Variants in INSL6 observed in about 807,000 individuals in gnomAD.
INSL6 encodes insulin like 6.
Under a neutral mutation model 9.4 loss-of-function variants are expected in INSL6, and 16 were observed. The observed-to-expected ratio is 1.70, with a 90% CI of 1.15 to 2.59. INSL6 has a LOEUF of 2.59. INSL6 is among the 30% of genes most tolerant of loss of function. The pLI is 0.00. For missense variants in INSL6, 391 were observed against 257.3 expected (o/e 1.52, Z -3.56); for synonymous variants, 154 against 96.9 (o/e 1.59, Z -3.46).
the INSL6 span, among the ~76,000 whole-genome samples, chr9:5,032,527 G>A: frequency 4.3e-3 from 654 of 152,266 alleles, 1 homozygote; most frequent in Non-Finnish European, 6.8e-3. Flanking sequence ...TCACATGGCC[G>A]GGTACTCCTC....
At chr9:5,106,481 A>G in the INSL6 span, among the ~76,000 whole-genome samples, 1 of 152,250 alleles carries the variant, frequency 6.6e-6, no homozygotes, top group Non-Finnish European at 1.5e-5. Flanking sequence ...CCACTGCAGA[A>G]GACAGTGTGG....
chr9:5,055,073 T>G, the INSL6 span, among the ~76,000 whole-genome samples: 2 of 152,164 alleles, frequency 1.3e-5, no homozygotes, highest in East Asian at 3.9e-4. Flanking sequence ...GTTTTTTCAT[T>G]TAATTTTTTA....
At chr9:5,065,672 T>A in the INSL6 span, among the ~76,000 whole-genome samples, 1 of 152,190 alleles carries the variant, frequency 6.6e-6, no homozygotes, top group Non-Finnish European at 1.5e-5. Context: ...CAGTTGTAGA[T>A]CCTTACTTTA....
At chr9:5,054,820 C>T in the INSL6 span, 1 of 1,612,448 alleles carries the variant, frequency 6.2e-7, no homozygotes, top group Non-Finnish European at 8.5e-7. This position sits in a 1 kb window ranked among gnomAD's most constrained non-coding sequence, Gnocchi z 4.9. Context: ...ATTATAATAA[C>T]TGGAAACGGT....
the INSL6 span, among the ~76,000 whole-genome samples, chr9:5,010,699 CTTCA>C: frequency 6.6e-6 from 1 of 152,162 alleles, no homozygotes; most frequent in African/African-American, 2.4e-5. Context: ...TTTTTGAGCT[CTTCA>C]TTCCTTTCTG....
At chr9:5,072,416 C>A in the INSL6 span, 3 of 1,107,380 alleles carry the variant, frequency 2.7e-6, no homozygotes, top group Non-Finnish European at 3.7e-6. Context: ...AATTCTTCCT[C>A]ATTGAATGTA....
the INSL6 span, among the ~76,000 whole-genome samples, chr9:5,068,366 G>T: frequency 1.3e-5 from 2 of 152,136 alleles, no homozygotes; most frequent in East Asian, 3.8e-4. Context: ...TATTAAAAAT[G>T]TAATATTAAA....
At chr9:5,081,187 T>G in the INSL6 span, among the ~76,000 whole-genome samples, 2 of 151,804 alleles carry the variant, frequency 1.3e-5, no homozygotes, top group African/African-American at 2.4e-5. Context: ...GAGCCACCGC[T>G]CCCAGCCAAA....
the INSL6 span, among the ~76,000 whole-genome samples, chr9:4,995,298 C>T: frequency 3.3e-5 from 5 of 152,048 alleles, no homozygotes. Flanking sequence ...GAGTTGTTTT[C>T]CCTAGGTTGT....
the INSL6 span, chr9:5,055,574 A>G: frequency 1.0e-6 from 1 of 991,022 alleles, no homozygotes. Context: ...TTTTTATTTT[A>G]AAGAATTTGG....
At chr9:5,114,651 C>T in the INSL6 span, 5 of 461,964 alleles carry the variant, frequency 1.1e-5, no homozygotes, top group South Asian at 5.0e-5. Flanking sequence ...GACGCAGCCC[C>T]GCAAAACCAA....
chr9:5,041,140 CCGG>C, the INSL6 span: 3 of 1,047,284 alleles, frequency 2.9e-6, no homozygotes, highest in South Asian at 4.0e-5. Flanking sequence ...TGATCGCCAT[CCGG>C]CTGATCACGC....
the INSL6 span, chr9:5,029,735 T>TA: frequency 6.7e-7 from 1 of 1,491,910 alleles, no homozygotes. Flanking sequence ...TATGTAAAAA[T>TA]ATTCTGTTGT....
intron 2 of INSL6, among the ~76,000 whole-genome samples, chr9:5,153,044 C>T (rs1385112414): frequency 2.0e-5 from 3 of 152,178 alleles, no homozygotes; most frequent in Non-Finnish European, 4.4e-5. Flanking sequence ...TCGCAATCCG[C>T]AGACCAGGAG....
the INSL6 span, chr9:5,066,683 A>T: frequency 2.5e-6 from 4 of 1,581,210 alleles, no homozygotes; most frequent in Non-Finnish European, 3.5e-6. Flanking sequence ...TTTAGGATGG[A>T]TTTTGCCATT....
At chr9:5,015,774 T>C in the INSL6 span, among the ~76,000 whole-genome samples, 1 of 152,232 alleles carries the variant, frequency 6.6e-6, no homozygotes, top group African/African-American at 2.4e-5. Context: ...TTCATTTAAA[T>C]TCGGGAAACA....
downstream of INSL6, among the ~76,000 whole-genome samples, chr9:5,161,780 C>G (rs373608583): frequency 5.9e-5 from 9 of 152,244 alleles, no homozygotes; most frequent in African/African-American, 2.2e-4. Flanking sequence ...AGTAGCACTT[C>G]TATGTGCCAA....
At chr9:5,177,102 C>T (rs1044127982) in intron 1 of INSL6, among the ~76,000 whole-genome samples, 1 of 151,842 alleles carries the variant, frequency 6.6e-6, no homozygotes. Context: ...ACAAGATGGC[C>T]AATTAGATGC....
the INSL6 span, among the ~76,000 whole-genome samples, chr9:5,009,547 G>T: frequency 3.3e-5 from 5 of 151,968 alleles, no homozygotes; most frequent in African/African-American, 2.4e-5. Flanking sequence ...TACCGAGAAA[G>T]ATTTTAAACC....
Sources: allele counts gnomAD v4.1 joint callset (sites outside exome capture counted in the v4.1 genomes callset), GRCh38; gene constraint gnomAD v4.1.1; non-coding constraint Gnocchi (gnomAD v3.1); transcripts MANE v1.5; gene names NCBI Gene and HGNC (gene_info 2026-07-23, HGNC 2026-07-21).